IL16: variants seen among roughly 807,000 people sequenced by gnomAD.
IL16 encodes interleukin 16.
Under a neutral mutation model 110.1 loss-of-function variants are expected in IL16, and 67 were observed. The observed-to-expected ratio is 0.61, with a 90% CI of 0.50 to 0.75. The LOEUF (loss-of-function observed/expected upper bound fraction) is 0.75, where lower values mean the gene tolerates loss of function less well. IL16 is among the 30% of genes least tolerant of loss of function. The probability of loss-of-function intolerance (pLI) is 0.00; values close to 1 mark genes in which losing one functional copy is unlikely to be tolerated. For missense variants in IL16, 1,545 were observed against 1,655.0 expected, an observed-to-expected ratio of 0.93 and a Z score of 1.15; for synonymous variants, 689 against 662.9, an observed-to-expected ratio of 1.04 and a Z score of -0.61.
At chr15:81,293,654 G>GT (rs1899850715) in intron 12 of IL16, among the ~76,000 whole-genome samples, 1 of 152,196 alleles carries the variant, frequency 6.6e-6, no homozygotes, top group Non-Finnish European at 1.5e-5. Flanking sequence ...AAGGGCTATT[G>GT]TGAGGATTAA....
At chr15:81,188,515 C>T (rs149131047) in intron 1 of IL16, 394 of 448,136 alleles carry the variant, frequency 8.8e-4, no homozygotes, top group African/African-American at 6.9e-3. Flanking sequence ...GACTGGCTTC[C>T]CTCAGGTCAG....
At chr15:81,212,438 T>A (rs999790185) in intron 1 of IL16, among the ~76,000 whole-genome samples, 3 of 151,970 alleles carry the variant, frequency 2.0e-5, no homozygotes, top group Non-Finnish European at 4.4e-5. Context: ...AAGTCAAGAT[T>A]TTTTTTAATT....
intron 1 of IL16, among the ~76,000 whole-genome samples, chr15:81,204,947 G>A (rs553375695): frequency 7.9e-5 from 12 of 152,030 alleles, no homozygotes; most frequent in African/African-American, 2.7e-4. Flanking sequence ...AAATTGACAG[G>A]CCACAAAACA....
chr15:81,241,634 C>T (rs1347428651), intron 2 of IL16, among the ~76,000 whole-genome samples: 1 of 152,018 alleles, frequency 6.6e-6, no homozygotes, highest in Non-Finnish European at 1.5e-5. Context: ...TTTAATTAAA[C>T]ATTTTATTTT....
At chr15:81,298,924 C>T (rs11857713) in intron 13 of IL16, among the ~76,000 whole-genome samples, 17,796 of 152,256 alleles carry the variant, frequency 0.12, 1,458 homozygotes, top group African/African-American at 0.23. Context: ...GCTGCCAACT[C>T]ATGACCTTTG....
chr15:81,265,534 C>T (rs1898337100), intron 3 of IL16, 125 bp from the exon 4 acceptor site: 1 of 1,018,080 alleles, frequency 9.8e-7, no homozygotes, highest in Admixed American at 2.5e-5. Context: ...GCACCTGGCA[C>T]AGGGTGTTAA....
At chr15:81,262,303 T>C (rs1898189602) in intron 3 of IL16, among the ~76,000 whole-genome samples, 1 of 152,232 alleles carries the variant, frequency 6.6e-6, no homozygotes, top group Admixed American at 6.5e-5. Context: ...TTTTAATCTT[T>C]ATGTAATCAA....
rs376111515 is a variant in IL16 at position 81,303,669 on chromosome 15, G to T, written c.3420+19G>T. ...GATTACGGTGAGTGGCCAAGTGAAG[G>T]GGCATGTCACAGCCAGAGGCAATGG... On this transcript the variant is annotated intron_variant, in intron 16 of 18. Coordinates refer to ENST00000683961, the MANE Select transcript of IL16 (RefSeq NM_172217.5). This position sits in a 1 kb window ranked among gnomAD's most constrained non-coding sequence, Gnocchi z 4.1. 6.6e-7 allele frequency: 1 copy of T among 1,517,384 alleles called. No homozygotes were observed. The highest frequency in any genetic ancestry group is 1.4e-5 in the African/African-American group (1 of 72,918). The allele number at this position is 1,517,384 out of a possible 1,614,324, so 94.0% of individuals were successfully genotyped here.
rs529820240 is a variant in IL16, at chr15:81,214,699, A to G, written c.-101-10600A>G. 6.8e-4 allele frequency among the ~76,000 whole-genome samples: 104 copies of G among 152,252 alleles called. No homozygotes were observed. The Middle Eastern group carries it at 0.01, about 15-fold the overall frequency. On this transcript the variant is annotated intron_variant, in intron 1 of 18. Transcript: ENST00000683961. ...AAAATTAGGGAAATTTTTGGGGACT[A>G]TATCCTCAAATGTATTTTCCAAGGT...
chr15:81,291,645 C>A (rs1304777205), intron 11 of IL16, among the ~76,000 whole-genome samples: 1 of 152,046 alleles, frequency 6.6e-6, no homozygotes, highest in East Asian at 1.9e-4. Flanking sequence ...GACAGCTTAC[C>A]ACTAGAGAGA....
At chr15:81,212,138 T>A (rs1052621107) in intron 1 of IL16, among the ~76,000 whole-genome samples, 2 of 152,088 alleles carry the variant, frequency 1.3e-5, no homozygotes, top group Non-Finnish European at 2.9e-5. Flanking sequence ...GGCTTTTTTT[T>A]TTGGTTGACA....
rs185431365 is a variant in IL16 at position 81,286,448 on chromosome 15, G to A, written c.1332+618G>A. Among the ~76,000 whole-genome samples, 326 of 152,292 alleles carry A rather than the reference G, an allele frequency of 2.1e-3. 4 individuals are homozygous for A. The highest frequency in any genetic ancestry group is 0.019 in the Admixed American group (283 of 15,292). The stretch of plus-strand genomic sequence containing the variant: ...ACCTGACATGGAAGGAGAGGAGTGG[G>A]TTCTGTGGGGCTGGAATGTAGGGTA... On this transcript the variant is annotated intron_variant, in intron 10 of 18. Transcript: ENST00000683961.
chr15:81,269,273 C>T (rs571200201), intron 4 of IL16, among the ~76,000 whole-genome samples: 88 of 152,342 alleles, frequency 5.8e-4, no homozygotes, highest in South Asian at 5.0e-3. Flanking sequence ...TAACCTGGGC[C>T]CTACTTCCTT....
At chr15:81,257,118 T>A (rs1897975391) in intron 2 of IL16, among the ~76,000 whole-genome samples, 1 of 152,206 alleles carries the variant, frequency 6.6e-6, no homozygotes, top group Non-Finnish European at 1.5e-5. Context: ...TTAAAAGAAT[T>A]CCCTGGTTAG....
chr15:81,297,266 G>T (rs1402783071), intron 13 of IL16, among the ~76,000 whole-genome samples, 188 bp downstream of exon 13: 2 of 152,106 alleles, frequency 1.3e-5, no homozygotes, highest in Non-Finnish European at 2.9e-5. Context: ...TCCAGGGTGG[G>T]GAGCCTCCTG....
intron 8 of IL16, among the ~76,000 whole-genome samples, chr15:81,280,154 G>A (rs1475517408): frequency 6.6e-6 from 1 of 152,202 alleles, no homozygotes; most frequent in East Asian, 1.9e-4. Flanking sequence ...CTGTGGCAGA[G>A]AATTGAGGTC....
chr15:81,238,027 C>T (rs972781238), intron 2 of IL16, among the ~76,000 whole-genome samples: 1 of 152,144 alleles, frequency 6.6e-6, no homozygotes, highest in Non-Finnish European at 1.5e-5. Flanking sequence ...CCTCAGCCTT[C>T]CGAGTAGCTG....
chr15:81,289,078 A>C (rs1899588923), intron 10 of IL16, among the ~76,000 whole-genome samples: 1 of 152,118 alleles, frequency 6.6e-6, no homozygotes. Flanking sequence ...CAGTGGCTAC[A>C]CCATTTTACA....
At chr15:81,229,928 T>A (rs939022745) in intron 2 of IL16, among the ~76,000 whole-genome samples, 1 of 152,172 alleles carries the variant, frequency 6.6e-6, no homozygotes, top group Admixed American at 6.5e-5. Flanking sequence ...AAACGCCTAA[T>A]ATAAAAATTA....
Sources: allele counts gnomAD v4.1 joint callset (sites outside exome capture counted in the v4.1 genomes callset), GRCh38; gene constraint gnomAD v4.1.1; non-coding constraint Gnocchi (gnomAD v3.1); transcripts MANE v1.5; gene names NCBI Gene and HGNC (gene_info 2026-07-23, HGNC 2026-07-21).